Variants in COL12A1 observed in about 807,000 individuals in gnomAD.
The protein encoded by COL12A1 is collagen type XII alpha 1 chain.
COL12A1 carries 114 observed loss-of-function variants against 349.7 expected under a neutral mutation model. That is an observed-to-expected ratio of 0.33 (90% CI 0.28 to 0.38). The LOEUF is 0.38. Ranked by LOEUF, COL12A1 falls within the 10% of genes least tolerant of loss-of-function variation. The pLI, the probability that COL12A1 is intolerant of heterozygous loss-of-function variation, is 1.00. For missense variants in COL12A1, 3,284 were observed against 3,756.9 expected, an observed-to-expected ratio of 0.87 and a Z score of 3.29; for synonymous variants, 1,369 against 1,329.0, an observed-to-expected ratio of 1.03 and a Z score of -0.66.
At chr6:75,203,963 GA>G (rs1341490369) in intron 1 of COL12A1, among the ~76,000 whole-genome samples, 1 of 152,222 alleles carries the variant, frequency 6.6e-6, no homozygotes, top group Non-Finnish European at 1.5e-5. Context: ...TTTGAGAAAA[GA>G]AACTGACAAT....
In COL12A1 at chr6:75,183,188, C is replaced by T. The variant is rs763691841; in HGVS notation, c.1753G>A (p.Glu585Lys). The change falls in exon 10 of 66, where the codon GAA becomes AAA. Residue 585 changes from glutamate (E) to lysine (K), a missense_variant. Glu to Lys is a moderately conservative substitution (Grantham distance 56, BLOSUM62 1). Around this residue, in one of 2 missense-constraint regions of COL12A1, gnomAD observed 2,601 missense variants for 2,824.8 expected, o/e 0.92. Transcript: ENST00000322507. Reference protein sequence around the residue: ...GVKDAVRSELEAIASPPAETH... With the variant: ...GVKDAVRSELKAIASPPAETH... ...TCTGCAGGAGGAGAGGCAATAGCTT[C>T]CAATTCTGAGCGAACGGCATCCTTC... is the stretch of plus-strand genomic sequence containing the variant. 8.7e-6 allele frequency: 14 copies of T among 1,614,168 alleles called. No homozygotes were observed. The highest frequency in any genetic ancestry group is 3.3e-4 in the Middle Eastern group (2 of 6,062).
In COL12A1 at chr6:75,102,684, AG is replaced by A. The variant is rs1334061156; in HGVS notation, c.8327del (p.Pro2776LeufsTer7). The A allele has an allele frequency of 8.4e-6, 13 of 1,550,698 alleles. No homozygotes were observed. Among genetic ancestry groups the A allele is most frequent in the South Asian group, 2.5e-5 (2 of 80,892 alleles). Reference sequence around the variant, plus strand: ...GAGGACCTATGTCTCCACGAGGACCAGGGGGCCCCTAAAATACACAAGAGAG... The same window carrying A: ...GAGGACCTATGTCTCCACGAGGACCAGGGGCCCCTAAAATACACAAGAGAG... The part of the protein sequence containing the change: ...ERGISGAIGP[P>X]GPRGDIGPPG... On this transcript the variant is annotated frameshift_variant, in exon 56 of 66. Transcript: ENST00000322507. LOFTEE classifies it high-confidence loss of function.
intron 59 of COL12A1, 52 bp downstream of exon 59, chr6:75,097,201 G>A (rs1452607014): frequency 6.7e-7 from 1 of 1,503,580 alleles, no homozygotes; most frequent in Non-Finnish European, 9.2e-7. Flanking sequence ...AGCAAAATGA[G>A]GTGAGAGGGT....
chr6:75,105,935 G>C (rs1467574892), intron 53 of COL12A1, among the ~76,000 whole-genome samples: 3 of 152,148 alleles, frequency 2.0e-5, no homozygotes, highest in Non-Finnish European at 2.9e-5. Context: ...TCCTGTGGAT[G>C]TATGTGGGTC....
At chr6:75,147,591 T>C in intron 23 of COL12A1, 84 bp downstream of exon 23, 8 of 1,275,350 alleles carry the variant, frequency 6.3e-6, no homozygotes, top group Non-Finnish European at 7.6e-6. Context: ...ATAAAGAAAT[T>C]ATTTGGAAGG....
intron 14 of COL12A1, among the ~76,000 whole-genome samples, chr6:75,160,026 C>G (rs952738879): frequency 6.6e-6 from 1 of 151,914 alleles, no homozygotes; most frequent in Non-Finnish European, 1.5e-5. Flanking sequence ...CATATCTCAT[C>G]CTAGTTTTAA....
At chr6:75,163,891 C>T (rs886238328) in intron 14 of COL12A1, among the ~76,000 whole-genome samples, 9 of 152,036 alleles carry the variant, frequency 5.9e-5, no homozygotes, top group East Asian at 5.8e-4. Context: ...AAAGACAAAA[C>T]GGAGGATAAT....
intron 57 of COL12A1, 40 bp from the exon 58 acceptor site, chr6:75,101,693 A>G: frequency 6.3e-7 from 1 of 1,589,870 alleles, no homozygotes; most frequent in South Asian, 1.2e-5. Flanking sequence ...ATTATAATAT[A>G]CTTCCTGTGT....
At position 75,151,290 on chromosome 6, in the gene COL12A1, T is replaced by C; in HGVS notation, c.4001-3A>G. 1 of 1,611,664 alleles carries C rather than the reference T, an allele frequency of 6.2e-7. No homozygotes were observed. Among genetic ancestry groups the C allele is most frequent in the Non-Finnish European group, 8.5e-7 (1 of 1,178,628 alleles). On this transcript the variant is annotated splice_region_variant and splice_polypyrimidine_tract_variant and intron_variant, in intron 20 of 65. Coordinates refer to ENST00000322507, the MANE Select transcript of COL12A1 (RefSeq NM_004370.6). ...GACTTCATCAGCATTTTTAATACCT[T>C]CAAAAACGGATATATACAAATTAAA...
chr6:75,148,236 T>G, intron 22 of COL12A1, 122 bp downstream of exon 22: 1 of 928,554 alleles, frequency 1.1e-6, no homozygotes, highest in Non-Finnish European at 1.6e-6. Context: ...GCACTATTCT[T>G]GACTCATTTC....
rs1767170858 is a variant in COL12A1, at chr6:75,146,009, T to C, written c.4560+93A>G. ...TTTTTCCATTTTGTACGTAAAGTTA[T>C]AAATGAGTTTGTAAGTAACTGCAGT... On this transcript the variant is annotated intron_variant, in intron 24 of 65. Coordinates refer to ENST00000322507, the MANE Select transcript of COL12A1 (RefSeq NM_004370.6). 1.2e-5 allele frequency: 16 copies of C among 1,297,620 alleles called. No individual in the cohort carries two copies. The East Asian group carries it at 1.2e-4, about 10-fold the overall frequency. 80.4% of individuals were successfully genotyped at this position (1,297,620 alleles called of 1,614,324 possible).
chr6:75,105,424 T>C lies in COL12A1; in HGVS notation c.8179-132A>G, dbSNP rs528234133. The C allele has an allele frequency of 1.2e-5, 8 of 657,628 alleles. No individual in the cohort carries two copies. The African/African-American group carries it at 1.5e-4, about 12-fold the overall frequency. 40.7% of individuals were successfully genotyped at this position (657,628 alleles called of 1,614,324 possible). ...AAATAATTTTAATTATCATTATGAATAGTCTTATGTTGAAACTTGCTGTGC... is the reference window on the plus strand; with the variant it reads ...AAATAATTTTAATTATCATTATGAACAGTCTTATGTTGAAACTTGCTGTGC... On this transcript the variant is annotated intron_variant, in intron 53 of 65. Coordinates refer to ENST00000322507, the MANE Select transcript of COL12A1 (RefSeq NM_004370.6).
Position 75,188,538 on chromosome 6 carries a change from T to A in COL12A1, c.824-3A>T, listed in dbSNP as rs1769752621. The A allele has an allele frequency of 1.2e-6, 2 of 1,611,460 alleles. No individual in the cohort carries two copies. Among genetic ancestry groups the A allele is most frequent in the Non-Finnish European group, 1.7e-6 (2 of 1,179,376 alleles). The stretch of plus-strand genomic sequence containing the variant: ...TTTTGCATCTGCAGCTTTAATGCCT[T>A]CAAAACAAAAGGATAAGGACATATT... On this transcript the variant is annotated splice_polypyrimidine_tract_variant and splice_region_variant and intron_variant, in intron 7 of 65. Transcript: ENST00000322507.
At chr6:75,197,286 C>T (rs1007625750) in intron 2 of COL12A1, among the ~76,000 whole-genome samples, 2 of 150,336 alleles carry the variant, frequency 1.3e-5, no homozygotes, top group Admixed American at 1.3e-4. Flanking sequence ...TAAGACAATG[C>T]TGATGCTGGA....
intron 64 of COL12A1, 112 bp from the exon 65 acceptor site, chr6:75,087,859 A>G: frequency 9.1e-7 from 1 of 1,102,482 alleles, no homozygotes; most frequent in South Asian, 1.5e-5. Context: ...ACAATTTACT[A>G]TTGTATGGTA....
chr6:75,125,824 C>T (rs1482020833), intron 39 of COL12A1, among the ~76,000 whole-genome samples: 2 of 152,024 alleles, frequency 1.3e-5, no homozygotes, highest in Non-Finnish European at 2.9e-5. Context: ...ATGGAAGATG[C>T]CCTAAGAAAT....
At chr6:75,193,662 T>C (rs1158295312) in intron 3 of COL12A1, among the ~76,000 whole-genome samples, 1 of 152,196 alleles carries the variant, frequency 6.6e-6, no homozygotes, top group African/African-American at 2.4e-5. Flanking sequence ...ACATGTGCCA[T>C]GTTGGTGTGC....
chr6:75,121,717 T>G (rs1323394200), intron 43 of COL12A1, among the ~76,000 whole-genome samples: 1 of 152,188 alleles, frequency 6.6e-6, no homozygotes, highest in Non-Finnish European at 1.5e-5. Flanking sequence ...CTCCATTTGT[T>G]TAGATCCATT....
Position 75,175,164 on chromosome 6 carries a change from T to C in COL12A1, c.2584A>G (p.Arg862Gly), listed in dbSNP as rs1196795822. The C allele has an allele frequency of 6.2e-7, 1 of 1,614,178 alleles. No individual in the cohort carries two copies. Among genetic ancestry groups the C allele is most frequent in the East Asian group, 2.2e-5 (1 of 44,886 alleles). ...AGGETQEVTV[R>G]GDTTNTVLQG... Reference sequence around the variant, plus strand: ...AGCACCGTATTGGTTGTATCTCCCCTCACAGTGACCTCTTGAGTTTCACCC... The same window carrying C: ...AGCACCGTATTGGTTGTATCTCCCCCCACAGTGACCTCTTGAGTTTCACCC... Residue 862 changes from arginine (R) to glycine (G), a missense_variant, in exon 13 of 66, where the codon AGG becomes GGG. Arg to Gly is a moderately radical substitution (Grantham distance 125, BLOSUM62 -2). Around this residue, in one of 2 missense-constraint regions of COL12A1, gnomAD observed 2,601 missense variants for 2,824.8 expected, o/e 0.92. Coordinates refer to ENST00000322507, the MANE Select transcript of COL12A1 (RefSeq NM_004370.6).
Sources: gnomAD v4.1 joint callset for allele counts (sites outside exome capture counted in the v4.1 genomes callset) on GRCh38, gnomAD v4.1.1 for gene constraint, gnomAD v4.1.1 regional missense constraint, MANE v1.5 for transcripts, NCBI Gene and HGNC (gene_info 2026-07-23, HGNC 2026-07-21) for gene names.